Variants in NCBP1 observed in about 807,000 individuals in gnomAD.
The protein encoded by NCBP1 is nuclear cap binding protein subunit 1, also known as nuclear cap-binding protein subunit 1.
In NCBP1, 16 loss-of-function variants were observed where a neutral mutation model predicts 111.7. The ratio of observed to expected loss-of-function variants is 0.14; its 90% CI spans 0.10 to 0.22. The LOEUF (loss-of-function observed/expected upper bound fraction) is 0.22. Ranked by LOEUF, NCBP1 falls within the 10% of genes least tolerant of loss-of-function variation. NCBP1 has a pLI of 1.00. For synonymous variants in NCBP1, 304 were observed against 314.3 expected (o/e 0.97, Z 0.35); for missense variants, 607 against 957.5 (o/e 0.63, Z 4.83).
chr9:97,635,454 A>G (rs1253135966), intron 1 of NCBP1, among the ~76,000 whole-genome samples: 1 of 143,180 alleles, frequency 7.0e-6, no homozygotes, highest in African/African-American at 2.8e-5. Context: ...ATTCTTTGTC[A>G]GGCTGGAGTG....
In NCBP1 at chr9:97,668,868, G is replaced by A; in HGVS notation, c.2039G>A (p.Ser680Asn). The A allele has an allele frequency of 6.2e-7, 1 of 1,613,472 alleles. No individual in the cohort carries two copies. Among genetic ancestry groups the A allele is most frequent in the South Asian group, 1.1e-5 (1 of 91,036 alleles). Residue 680 changes from serine to asparagine, a missense_variant, in exon 21 of 23, where the codon AGC becomes AAC. This residue lies in a region of NCBP1 where 282 missense variants were observed against 376.5 expected (regional missense o/e 0.75). Coordinates refer to ENST00000375147, the MANE Select transcript of NCBP1 (RefSeq NM_002486.5). ...HKRRSDDDDRSSDRKDGVLEE... is the reference protein window; with the variant it reads ...HKRRSDDDDRNSDRKDGVLEE... ...TAGCGAAGTGATGATGACGACAGAA[G>A]CAGTGACAGGAAAGACGGGGTTCTT...
intron 2 of NCBP1, 87 bp from the exon 3 acceptor site, chr9:97,641,475 T>C (rs944194498): frequency 3.0e-6 from 3 of 985,754 alleles, no homozygotes; most frequent in Non-Finnish European, 4.0e-6. Context: ...TTTTAAAATA[T>C]GTATATATTT....
In NCBP1 at chr9:97,654,008, G is replaced by A; in HGVS notation, c.1170+100G>A. The stretch of plus-strand genomic sequence containing the variant: ...GGTTTAAATTTTGTAGGTAAAAAAT[G>A]TGGCTTTTGAAGTGTGTTGTGTGTG... On this transcript the variant is annotated intron_variant, in intron 11 of 22. Transcript: ENST00000375147. 1.9e-6 allele frequency: 2 copies of A among 1,061,890 alleles called. 1 individual carries two copies. Among genetic ancestry groups the A allele is most frequent in the South Asian group, 3.2e-5 (2 of 61,574 alleles). The allele number at this position is 1,061,890 out of a possible 1,614,324, so 65.8% of individuals were successfully genotyped here.
chr9:97,662,157 A>C lies in NCBP1; in HGVS notation c.1703+13A>C. 6.3e-7 allele frequency: 1 copy of C among 1,593,952 alleles called. No homozygotes were observed. The highest frequency in any genetic ancestry group is 1.1e-5 in the South Asian group (1 of 90,270). On this transcript the variant is annotated intron_variant, in intron 17 of 22. Transcript: ENST00000375147. ...GTGCTCTTGCAAAGTATGTATGAGT[A>C]CAGAGCCTTGCTTGAGAGTTTGGAA...
chr9:97,669,081 T>C lies in NCBP1; in HGVS notation c.2145+107T>C, dbSNP rs944715633. ...TGTAAAAGGAATACACATTCATTTA[T>C]AGAAGAGATTAAAAATACAAAAATT... On this transcript the variant is annotated intron_variant, in intron 21 of 22. Transcript: ENST00000375147. 1.1e-5 allele frequency: 14 copies of C among 1,268,846 alleles called. No individual in the cohort carries two copies. The South Asian group carries it at 1.3e-4, about 12-fold the overall frequency. 78.6% of individuals were successfully genotyped at this position (1,268,846 alleles called of 1,614,324 possible).
At chr9:97,646,811 G>T (rs1436501425) in intron 6 of NCBP1, among the ~76,000 whole-genome samples, 8 of 137,580 alleles carry the variant, frequency 5.8e-5, no homozygotes, top group African/African-American at 2.2e-4. Context: ...CTGCACTCCA[G>T]CCTGGGCAAC....
chr9:97,653,119 CTTTTT>C (rs57742118), intron 10 of NCBP1, among the ~76,000 whole-genome samples: 12 of 123,572 alleles, frequency 9.7e-5, no homozygotes, highest in Admixed American at 4.2e-4. Flanking sequence ...TAAAAGAATT[CTTTTT>C]TTTTTTTTTT....
At chr9:97,660,837 A>G (rs1415573813) in intron 15 of NCBP1, 109 bp from the exon 16 acceptor site, 1 of 1,288,544 alleles carries the variant, frequency 7.8e-7, no homozygotes, top group Non-Finnish European at 1.1e-6. Flanking sequence ...AGAGCATCCT[A>G]TTTTGAAAGG....
In NCBP1 at chr9:97,648,118, G is replaced by A. The variant is rs756561842; in HGVS notation, c.792G>A (p.Leu264=). ...LAFDSILCEA[L]QHNLPPFTPP... ...TTGACAGCATCCTGTGTGAAGCACTGCAGCACAATCTGCCTCCTTTTACAC... is the reference window on the plus strand; with the variant it reads ...TTGACAGCATCCTGTGTGAAGCACTACAGCACAATCTGCCTCCTTTTACAC... The change falls in exon 8 of 23, where the codon CTG becomes CTA. Residue 264 remains leucine (L), a synonymous_variant. Transcript: ENST00000375147. 1.2e-6 allele frequency: 2 copies of A among 1,614,130 alleles called. No individual in the cohort carries two copies. The highest frequency in any genetic ancestry group is 1.7e-6 in the Non-Finnish European group (2 of 1,180,006).
chr9:97,652,192 C>G (rs1486017029), intron 10 of NCBP1, among the ~76,000 whole-genome samples: 1 of 152,190 alleles, frequency 6.6e-6, no homozygotes, highest in Non-Finnish European at 1.5e-5. Flanking sequence ...TTAGTAGAGA[C>G]AGGGTTTCAC....
chr9:97,647,597 G>C, intron 7 of NCBP1, 36 bp downstream of exon 7: 2 of 1,506,768 alleles, frequency 1.3e-6, no homozygotes, highest in South Asian at 2.3e-5. Flanking sequence ...TACAAACACA[G>C]TCAGCTCTTG....
intron 1 of NCBP1, among the ~76,000 whole-genome samples, chr9:97,640,397 C>A (rs946516715): frequency 2.6e-5 from 4 of 152,060 alleles, no homozygotes; most frequent in African/African-American, 9.7e-5. Context: ...TAACAGGTTT[C>A]GGAACAAGCA....
chr9:97,637,533 G>T (rs1827079512), intron 1 of NCBP1, among the ~76,000 whole-genome samples: 3 of 152,106 alleles, frequency 2.0e-5, no homozygotes, highest in Non-Finnish European at 2.9e-5. Flanking sequence ...TTGTCTTTTG[G>T]ACTGTGGCTG....
At chr9:97,658,513 C>T in intron 14 of NCBP1, 127 bp from the exon 15 acceptor site, 19 of 685,618 alleles carry the variant, frequency 2.8e-5, no homozygotes, top group Admixed American at 5.2e-5. Context: ...ATTTTTTTTT[C>T]CCTTTCACTT....
At chr9:97,635,971 C>G (rs995356514) in intron 1 of NCBP1, 8 of 152,160 alleles carry the variant, frequency 5.3e-5, no homozygotes, top group East Asian at 1.9e-4. Flanking sequence ...ACATAACTTT[C>G]TTGGAGTTGG....
chr9:97,637,736 A>G (rs1827088438), intron 1 of NCBP1, among the ~76,000 whole-genome samples: 1 of 152,122 alleles, frequency 6.6e-6, no homozygotes, highest in South Asian at 2.1e-4. Flanking sequence ...TTAAAAACGT[A>G]ATGTTGAAGT....
intron 14 of NCBP1, among the ~76,000 whole-genome samples, chr9:97,657,123 C>T (rs1031164566): frequency 2.6e-5 from 4 of 152,122 alleles, no homozygotes; most frequent in African/African-American, 7.2e-5. Flanking sequence ...CCCGCCACCA[C>T]GCCTGGCTAA....
rs1405758678 is a variant in NCBP1 at position 97,662,971 on chromosome 9, A to G, written c.1721A>G (p.Lys574Arg). Residue 574 changes from lysine (K) to arginine (R), a missense_variant, in exon 18 of 23, where the codon AAA becomes AGA. By Grantham distance (26) the Lys-to-Arg change is conservative (BLOSUM62 2). Transcript: ENST00000375147. The part of the protein sequence containing the change: ...SALAKFHEVF[K>R]TLAESDEGKL... ...ATCAAAAGGTTTCATGAAGTCTTCAAAACCCTAGCTGAAAGTGATGAAGGA... is the reference window on the plus strand; with the variant it reads ...ATCAAAAGGTTTCATGAAGTCTTCAGAACCCTAGCTGAAAGTGATGAAGGA... 6.2e-7 allele frequency: 1 copy of G among 1,612,818 alleles called. No individual in the cohort carries two copies. The highest frequency in any genetic ancestry group is 1.3e-5 in the African/African-American group (1 of 74,858).
intron 5 of NCBP1, 147 bp from the exon 6 acceptor site, chr9:97,645,464 A>G (rs996278273): frequency 5.1e-5 from 44 of 870,872 alleles, no homozygotes; most frequent in Non-Finnish European, 7.2e-5. Flanking sequence ...GATTAGAACT[A>G]ATATATCTAG....
Sources: allele counts gnomAD v4.1 joint callset (sites outside exome capture counted in the v4.1 genomes callset), GRCh38; gene constraint gnomAD v4.1.1; regional missense constraint gnomAD v4.1.1; transcripts MANE v1.5; gene names NCBI Gene and HGNC (gene_info 2026-07-23, HGNC 2026-07-21).